Variants in ABTB2 observed in about 807,000 individuals in gnomAD.
The protein encoded by ABTB2 is ankyrin repeat and BTB/POZ domain-containing protein 2.
ABTB2 carries 56 observed loss-of-function variants against 104.1 expected under a neutral mutation model. The ratio of observed to expected loss-of-function variants is 0.54; its 90% CI spans 0.43 to 0.67. The LOEUF is 0.67. Ranked by LOEUF, ABTB2 falls within the 30% of genes least tolerant of loss-of-function variation. The probability of loss-of-function intolerance (pLI) is 0.00; values close to 1 mark genes in which losing one functional copy is unlikely to be tolerated. For missense variants in ABTB2, 1,279 were observed against 1,407.7 expected (o/e 0.91, Z 1.46); for synonymous variants, 606 against 608.2 (o/e 1.00, Z 0.05).
At position 34,166,383 on chromosome 11, in the gene ABTB2, C is replaced by T. The variant is rs143233366; in HGVS notation, c.1755+876G>A. On this transcript the variant is annotated intron_variant, in intron 7 of 16. Transcript: ENST00000435224. ...CTGCTCACTGGGGCAAAACTAGGCA[C>T]GGATCCAGGCAAGCTCAGGGCACAG... Among the ~76,000 whole-genome samples, 461 of 152,360 alleles carry T rather than the reference C, an allele frequency of 3.0e-3. 1 individual carries two copies. The highest frequency in any genetic ancestry group is 0.011 in the African/African-American group (441 of 41,588).
At chr11:34,281,289 T>C (rs1854446386) in intron 1 of ABTB2, among the ~76,000 whole-genome samples, 2 of 152,198 alleles carry the variant, frequency 1.3e-5, no homozygotes, top group Admixed American at 1.3e-4. Context: ...TCCATGTGTG[T>C]CTGCTCCAAT....
intron 1 of ABTB2, among the ~76,000 whole-genome samples, chr11:34,237,013 G>C (rs1853852480): frequency 1.3e-5 from 2 of 152,184 alleles, no homozygotes; most frequent in African/African-American, 4.8e-5. Flanking sequence ...AAGCTGTTTA[G>C]AAGTATTTTA....
At chr11:34,224,182 T>C (rs1212658492) in intron 1 of ABTB2, among the ~76,000 whole-genome samples, 1 of 151,824 alleles carries the variant, frequency 6.6e-6, no homozygotes, top group African/African-American at 2.4e-5. Flanking sequence ...CCAGCTAATT[T>C]TGTTTATTTT....
At chr11:34,227,691 G>C (rs182013039) in intron 1 of ABTB2, among the ~76,000 whole-genome samples, 18 of 152,200 alleles carry the variant, frequency 1.2e-4, no homozygotes, top group African/African-American at 4.3e-4. Context: ...GTATATATGA[G>C]TGGAACTGCT....
At chr11:34,266,385 T>C (rs1055733330) in intron 1 of ABTB2, among the ~76,000 whole-genome samples, 3 of 152,192 alleles carry the variant, frequency 2.0e-5, no homozygotes, top group Non-Finnish European at 4.4e-5. Context: ...GCACCTGGCC[T>C]CTACTTATAT....
chr11:34,326,798 G>A lies in ABTB2; in HGVS notation c.883+29903C>T, dbSNP rs1303238588. On this transcript the variant is annotated intron_variant, in intron 1 of 16. Coordinates refer to ENST00000435224, the MANE Select transcript of ABTB2 (RefSeq NM_145804.3). ...AAACATATCAGTTAGGGCTGGGTGC[G>A]TTGTCTCATGCCTATAATCCCAGCA... 3.3e-5 allele frequency among the ~76,000 whole-genome samples: 5 copies of A among 152,140 alleles called. No homozygotes were observed. In the South Asian group the frequency reaches 6.2e-4, roughly 19 times the overall value.
At chr11:34,242,481 C>T (rs1853931802) in intron 1 of ABTB2, 1 of 152,292 alleles carries the variant, frequency 6.6e-6, no homozygotes. Flanking sequence ...TTACCTCATC[C>T]TTGTCACGCG....
intron 5 of ABTB2, among the ~76,000 whole-genome samples, chr11:34,168,558 C>T (rs1432326351): frequency 9.8e-5 from 15 of 152,318 alleles, no homozygotes; most frequent in Non-Finnish European, 1.6e-4. Flanking sequence ...CCTCCATCAT[C>T]GTAATATTCC....
chr11:34,170,907 T>C lies in ABTB2; in HGVS notation c.1562A>G (p.Gln521Arg), dbSNP rs781065212. 1.9e-6 allele frequency: 3 copies of C among 1,613,292 alleles called. No homozygotes were observed. In the Admixed American group the frequency reaches 5.0e-5, roughly 27 times the overall value. ...GPDGVNTMDD[Q>R]GMTPLMYACA... ...CTTTGTGGAGCTCTCAGGACGTACC[T>C]GGTCATCCATGGTGTTAACCCCATC... Residue 521 changes from glutamine to arginine, a missense_variant and splice_region_variant, in exon 5 of 17, where the codon CAG becomes CGG. By Grantham distance (43) the Gln-to-Arg change is conservative. Transcript: ENST00000435224.
At position 34,197,508 on chromosome 11, in the gene ABTB2, A is replaced by G; in HGVS notation, c.1061T>C (p.Met354Thr). The change falls in exon 3 of 17, where the codon ATG (methionine) becomes ACG (threonine). Residue 354 changes from methionine (M) to threonine (T), a missense_variant. Met to Thr is a moderately conservative substitution (Grantham distance 81). Transcript: ENST00000435224. The stretch of plus-strand genomic sequence containing the variant: ...CGGGCACAGGGGGTGACGCCCCTGC[A>G]TGTGGTGCATGGCACGGGAGACCAA... Reference protein sequence around the residue: ...SDLVSRAMHHMQGRHPLCPGA... With the variant: ...SDLVSRAMHHTQGRHPLCPGA... 2 of 1,577,936 alleles carry G rather than the reference A, an allele frequency of 1.3e-6. No homozygotes were observed. Among genetic ancestry groups the G allele is most frequent in the Non-Finnish European group, 8.6e-7 (1 of 1,166,514 alleles).
chr11:34,213,622 G>A (rs139988348), intron 1 of ABTB2, among the ~76,000 whole-genome samples: 1 of 152,304 alleles, frequency 6.6e-6, no homozygotes, highest in East Asian at 1.9e-4. Context: ...TGACTATTAG[G>A]TGCCTGTAAG....
At chr11:34,333,920 C>T (rs1439789076) in intron 1 of ABTB2, among the ~76,000 whole-genome samples, 5 of 151,098 alleles carry the variant, frequency 3.3e-5, no homozygotes, top group East Asian at 2.0e-4. Flanking sequence ...CATGAGGATA[C>T]GTTATACCCA....
At chr11:34,286,589 G>A (rs922343536) in intron 1 of ABTB2, among the ~76,000 whole-genome samples, 3 of 151,888 alleles carry the variant, frequency 2.0e-5, no homozygotes, top group Non-Finnish European at 2.9e-5. Context: ...CACCATGCCC[G>A]GCCTCAAAAT....
chr11:34,186,854 G>C (rs1413546873), intron 3 of ABTB2, among the ~76,000 whole-genome samples: 3 of 152,216 alleles, frequency 2.0e-5, no homozygotes, highest in African/African-American at 7.2e-5. Context: ...GAGGCCCCAA[G>C]TAGCTGAGAG....
chr11:34,178,311 A>AT (rs1852981840), intron 3 of ABTB2, among the ~76,000 whole-genome samples: 1 of 152,186 alleles, frequency 6.6e-6, no homozygotes, highest in East Asian at 1.9e-4. Context: ...AAGAGAAGTA[A>AT]TTCATGGACT....
intron 1 of ABTB2, among the ~76,000 whole-genome samples, chr11:34,323,226 G>A (rs1056497063): frequency 6.6e-6 from 1 of 152,106 alleles, no homozygotes; most frequent in Admixed American, 6.6e-5. Context: ...TATTTTTTAA[G>A]GGATACATAC....
rs773839098 is a variant in ABTB2 at position 34,173,173 on chromosome 11, C to T, written c.1379G>A (p.Cys460Tyr). The T allele has an allele frequency of 3.1e-6, 5 of 1,613,824 alleles. No homozygotes were observed. The highest frequency in any genetic ancestry group is 2.2e-5 in the South Asian group (2 of 91,070). Residue 460 changes from cysteine (C) to tyrosine (Y), a missense_variant, in exon 4 of 17, where the codon TGT (cysteine) becomes TAT (tyrosine). Cys to Tyr is a radical substitution (Grantham distance 194). Coordinates refer to ENST00000435224, the MANE Select transcript of ABTB2 (RefSeq NM_145804.3). Reference sequence around the variant, plus strand: ...TTCATACTTGAGCTGCCGAGGTTCACAGTCCAGACCAGGCAGCAGCAGCCG... The same window carrying T: ...TTCATACTTGAGCTGCCGAGGTTCATAGTCCAGACCAGGCAGCAGCAGCCG... ...AARLLLPGLD[C>Y]EPRQLKPEHC...
chr11:34,201,628 G>A (rs1356532568), intron 2 of ABTB2, among the ~76,000 whole-genome samples: 5 of 152,172 alleles, frequency 3.3e-5, no homozygotes, highest in African/African-American at 1.2e-4. Flanking sequence ...TGAGGTCCAA[G>A]GGGTTCAGTG....
chr11:34,163,428 AGCCTC>A (rs1442634434), intron 9 of ABTB2, among the ~76,000 whole-genome samples: 3 of 152,336 alleles, frequency 2.0e-5, no homozygotes, highest in Admixed American at 2.0e-4. Flanking sequence ...TGCTGCTTTT[AGCCTC>A]GTGAGAGCCC....
Sources: allele counts gnomAD v4.1 joint callset (sites outside exome capture counted in the v4.1 genomes callset), GRCh38; gene constraint gnomAD v4.1.1; transcripts MANE v1.5; gene names NCBI Gene and HGNC (gene_info 2026-07-23, HGNC 2026-07-21).